CHCHD3: variants seen among roughly 807,000 people sequenced by gnomAD.
The protein encoded by CHCHD3 is MICOS complex subunit MIC19.
CHCHD3 carries 20 observed loss-of-function variants against 38.2 expected under a neutral mutation model. That is an observed-to-expected ratio of 0.52 (90% CI 0.37 to 0.76). CHCHD3 has a LOEUF of 0.76. Among genes scored for constraint, CHCHD3 ranks in the 30% least tolerant of loss-of-function variants. The probability of loss-of-function intolerance (pLI) is 0.00; values close to 1 mark genes in which losing one functional copy is unlikely to be tolerated. For missense variants in CHCHD3, 245 were observed against 279.2 expected, an observed-to-expected ratio of 0.88 and a Z score of 0.87; for synonymous variants, 82 against 100.0, an observed-to-expected ratio of 0.82 and a Z score of 1.07.
intron 3 of CHCHD3, among the ~76,000 whole-genome samples, chr7:133,002,820 T>A (rs1796981521): frequency 6.6e-6 from 1 of 152,216 alleles, no homozygotes; most frequent in African/African-American, 2.4e-5. Context: ...AACCTTCATA[T>A]ACAATACACT....
In CHCHD3 at chr7:133,035,728, C is replaced by G; in HGVS notation, c.170-11101G>C. ...TTGCTCTCAAACACACAGAATCCAT[C>G]ATCACCCTCAAATGCTGGGACCTTG... On this transcript the variant is annotated intron_variant, in intron 2 of 7. Coordinates refer to ENST00000262570, the MANE Select transcript of CHCHD3 (RefSeq NM_017812.4). The surrounding 1 kb of genome is among the most constrained non-coding windows in gnomAD (Gnocchi z 4.7). 1 of 1,613,422 alleles carries G rather than the reference C, an allele frequency of 6.2e-7. No individual in the cohort carries two copies.
intron 2 of CHCHD3, among the ~76,000 whole-genome samples, chr7:133,064,362 T>TA (rs1305014211): frequency 6.6e-6 from 1 of 152,220 alleles, no homozygotes; most frequent in Non-Finnish European, 1.5e-5. Flanking sequence ...AATCAACCAT[T>TA]ACAGCCCACA....
Position 132,785,408 on chromosome 7 carries a change from T to G in CHCHD3, c.*229A>C. 1.7e-6 allele frequency: 1 copy of G among 588,346 alleles called. No homozygotes were observed. The highest frequency in any genetic ancestry group is 3.1e-6 in the Non-Finnish European group (1 of 327,694). The allele number at this position is 588,346 out of a possible 1,614,324, so 36.4% of individuals were successfully genotyped here. On this transcript the variant is annotated 3_prime_UTR_variant, in exon 8 of 8. Coordinates refer to ENST00000262570, the MANE Select transcript of CHCHD3 (RefSeq NM_017812.4). The stretch of plus-strand genomic sequence containing the variant: ...TTTTAATCATCATAAGAGGGTTTAC[T>G]AATACTCAAGAGTGTCCTTTAATGA...
At chr7:132,915,899 G>A (rs112650749) in intron 4 of CHCHD3, among the ~76,000 whole-genome samples, 3,758 of 151,092 alleles carry the variant, frequency 0.025, 183 homozygotes, top group African/African-American at 0.086. Flanking sequence ...TAGTTGGTGT[G>A]TGTAATATTG....
chr7:132,852,463 TTGTAAGG>T (rs1264905565), intron 5 of CHCHD3, among the ~76,000 whole-genome samples: 1 of 152,162 alleles, frequency 6.6e-6, no homozygotes, highest in Non-Finnish European at 1.5e-5. Flanking sequence ...TTTCTCAAAT[TTGTAAGG>T]TCCATCCTAT....
In CHCHD3 at chr7:133,035,888, T is replaced by C; in HGVS notation, c.170-11261A>G. 1 of 1,612,182 alleles carries C rather than the reference T, an allele frequency of 6.2e-7. No individual in the cohort carries two copies. The highest frequency in any genetic ancestry group is 8.5e-7 in the Non-Finnish European group (1 of 1,178,534). The stretch of plus-strand genomic sequence containing the variant: ...TGAGAGCCTTGAAGGCCCTCCAGTT[T>C]TCAGGATACGTGTACAGGGTCCCAG... On this transcript the variant is annotated intron_variant, in intron 2 of 7. Transcript: ENST00000262570. This position sits in a 1 kb window ranked among gnomAD's most constrained non-coding sequence, Gnocchi z 4.7.
chr7:132,798,844 G>GT (rs1806689447), intron 6 of CHCHD3, among the ~76,000 whole-genome samples: 1 of 152,136 alleles, frequency 6.6e-6, no homozygotes. Context: ...GAAAGAGGTA[G>GT]TTTAAGTTGT....
intron 6 of CHCHD3, among the ~76,000 whole-genome samples, chr7:132,821,241 C>T (rs1322635933): frequency 6.6e-6 from 1 of 152,130 alleles, no homozygotes; most frequent in African/African-American, 2.4e-5. Context: ...CTATTCACTG[C>T]TTAGGATATG....
At chr7:132,841,574 T>A (rs1807941204) in intron 5 of CHCHD3, among the ~76,000 whole-genome samples, 1 of 152,040 alleles carries the variant, frequency 6.6e-6, no homozygotes, top group Non-Finnish European at 1.5e-5. Flanking sequence ...AAGTGGTAGA[T>A]CTGATCAGTA....
intron 5 of CHCHD3, among the ~76,000 whole-genome samples, chr7:132,873,599 A>T (rs1368575450): frequency 6.6e-6 from 1 of 151,934 alleles, no homozygotes; most frequent in Admixed American, 6.6e-5. Flanking sequence ...CGTTGATGGT[A>T]CTGACACTGA....
At chr7:132,984,669 C>T (rs2117353463) in intron 3 of CHCHD3, among the ~76,000 whole-genome samples, 1 of 150,072 alleles carries the variant, frequency 6.7e-6, no homozygotes, top group South Asian at 2.1e-4. Context: ...GTGCCTCTGC[C>T]CTGCCGCCCC....
chr7:132,909,363 C>T (rs1809883653), intron 4 of CHCHD3, among the ~76,000 whole-genome samples: 1 of 152,002 alleles, frequency 6.6e-6, no homozygotes. Context: ...GTGTGGTGCG[C>T]ATCTGTCGTC....
intron 4 of CHCHD3, among the ~76,000 whole-genome samples, chr7:132,898,075 C>A (rs1809550411): frequency 6.6e-6 from 1 of 151,480 alleles, no homozygotes; most frequent in African/African-American, 2.4e-5. Flanking sequence ...CCGGTGGGCT[C>A]GTGGTCTCCC....
chr7:133,056,499 CAG>C (rs1431879794), intron 2 of CHCHD3, among the ~76,000 whole-genome samples: 1 of 152,162 alleles, frequency 6.6e-6, no homozygotes, highest in Non-Finnish European at 1.5e-5. Context: ...CCGCCCTATG[CAG>C]AGTTAGTCGG....
At chr7:133,040,137 A>G (rs546315843) in intron 2 of CHCHD3, among the ~76,000 whole-genome samples, 10 of 152,282 alleles carry the variant, frequency 6.6e-5, no homozygotes, top group African/African-American at 2.4e-4. Context: ...GATAGCCTCA[A>G]AAACATGCAG....
intron 3 of CHCHD3, among the ~76,000 whole-genome samples, chr7:133,017,465 C>T (rs972115535): frequency 6.6e-6 from 1 of 152,194 alleles, no homozygotes; most frequent in African/African-American, 2.4e-5. Flanking sequence ...AATGGAGACA[C>T]TTCGACAAGA....
At chr7:132,984,111 G>C (rs1207858553) in intron 3 of CHCHD3, among the ~76,000 whole-genome samples, 2 of 138,422 alleles carry the variant, frequency 1.4e-5, no homozygotes, top group African/African-American at 2.7e-5. Flanking sequence ...CCCTGATGCC[G>C]AGCCAAAGCT....
At chr7:133,012,548 G>A (rs1174629104) in intron 3 of CHCHD3, among the ~76,000 whole-genome samples, 1 of 152,060 alleles carries the variant, frequency 6.6e-6, no homozygotes, top group African/African-American at 2.4e-5. Context: ...CAGATGGCTT[G>A]AGCCTAAGAG....
chr7:132,818,859 C>T (rs1314909855), intron 6 of CHCHD3, among the ~76,000 whole-genome samples: 1 of 152,030 alleles, frequency 6.6e-6, no homozygotes, highest in Non-Finnish European at 1.5e-5. Flanking sequence ...CTTAATTATC[C>T]TATTGATACC....
Sources: allele counts gnomAD v4.1 joint callset (sites outside exome capture counted in the v4.1 genomes callset), GRCh38; gene constraint gnomAD v4.1.1; non-coding constraint Gnocchi (gnomAD v3.1); transcripts MANE v1.5; gene names NCBI Gene and HGNC (gene_info 2026-07-23, HGNC 2026-07-21).